The following ASTN2 variants were observed in gnomAD, a reference collection of about 807,000 sequenced individuals.
The protein encoded by ASTN2 is astrotactin-2.
ASTN2 carries 54 observed loss-of-function variants against 139.8 expected under a neutral mutation model. The ratio of observed to expected loss-of-function variants is 0.39; its 90% CI spans 0.31 to 0.48. ASTN2 has a LOEUF of 0.48. Among genes scored for constraint, ASTN2 ranks in the 20% least tolerant of loss-of-function variants. The pLI is 0.95. For synonymous variants in ASTN2, 756 were observed against 719.5 expected (o/e 1.05, Z -0.81); for missense variants, 1,565 against 1,725.1 (o/e 0.91, Z 1.64).
intron 13 of ASTN2, among the ~76,000 whole-genome samples, chr9:116,792,113 G>T (rs1291207068): frequency 6.6e-6 from 1 of 151,580 alleles, no homozygotes; most frequent in African/African-American, 2.4e-5. Flanking sequence ...CCATAAATAC[G>T]GGGAAAGATT....
chr9:116,596,648 A>G lies in ASTN2; in HGVS notation c.3355+21676T>C, dbSNP rs375855148. On this transcript the variant is annotated intron_variant, in intron 19 of 22. Coordinates refer to ENST00000313400, the MANE Select transcript of ASTN2 (RefSeq NM_001365068.1). ...CTGTCTTTTAAAGGGCAGGCAAATC[A>G]AAAGTAAATGAGCAAATATATAAAT... 7.2e-5 allele frequency among the ~76,000 whole-genome samples: 11 copies of G among 152,332 alleles called. No individual in the cohort carries two copies. The East Asian group carries it at 2.1e-3, about 29-fold the overall frequency.
chr9:116,742,940 T>A (rs987672608), intron 13 of ASTN2, among the ~76,000 whole-genome samples: 1 of 152,124 alleles, frequency 6.6e-6, no homozygotes, highest in African/African-American at 2.4e-5. Flanking sequence ...TCCAACACAT[T>A]GCTTCTCTCA....
At chr9:116,664,967 T>C (rs980359273) in intron 16 of ASTN2, among the ~76,000 whole-genome samples, 1 of 152,142 alleles carries the variant, frequency 6.6e-6, no homozygotes, top group Non-Finnish European at 1.5e-5. Context: ...CCCTCATCAA[T>C]GGCTTGGTGC....
chr9:117,369,518 C>T (rs984237463), intron 1 of ASTN2, among the ~76,000 whole-genome samples: 2 of 152,080 alleles, frequency 1.3e-5, no homozygotes, highest in African/African-American at 4.8e-5. Flanking sequence ...ACCCTGCCTG[C>T]CTGACCCCAC....
intron 19 of ASTN2, among the ~76,000 whole-genome samples, chr9:116,519,961 G>C (rs1420071496): frequency 6.6e-6 from 1 of 151,872 alleles, no homozygotes; most frequent in African/African-American, 2.4e-5. Flanking sequence ...ACCAGGAAAA[G>C]ATAGAATCTC....
At chr9:116,768,437 T>A (rs972358739) in intron 13 of ASTN2, among the ~76,000 whole-genome samples, 1 of 152,148 alleles carries the variant, frequency 6.6e-6, no homozygotes, top group Non-Finnish European at 1.5e-5. Flanking sequence ...TTTCTCTGCC[T>A]CCCTGACCCG....
intron 10 of ASTN2, among the ~76,000 whole-genome samples, chr9:116,964,265 G>GCGCGCACGCA (rs138836463): frequency 6.7e-6 from 1 of 149,810 alleles, no homozygotes; most frequent in Non-Finnish European, 1.5e-5. Flanking sequence ...GTGCGCGCGC[G>GCGCGCACGCA]CGCGTGTGTG....
At chr9:116,576,585 C>A (rs1853730523) in intron 19 of ASTN2, among the ~76,000 whole-genome samples, 1 of 152,104 alleles carries the variant, frequency 6.6e-6, no homozygotes, top group African/African-American at 2.4e-5. Context: ...GACAGGAATG[C>A]AGGAAGTGCT....
chr9:116,550,331 T>A lies in ASTN2; in HGVS notation c.3356-62831A>T, dbSNP rs183836533. Among the ~76,000 whole-genome samples, 3 of 152,320 alleles carry A rather than the reference T, an allele frequency of 2.0e-5. No homozygotes were observed. The East Asian group carries it at 5.8e-4, about 29-fold the overall frequency. On this transcript the variant is annotated intron_variant, in intron 19 of 22. Transcript: ENST00000313400. ...AGTATCTTCATCTGCAATATAAACC[T>A]GTCAATTTTACCCTGTATTATAGTT...
At chr9:116,938,770 CA>C (rs1024648158) in intron 10 of ASTN2, among the ~76,000 whole-genome samples, 41 of 152,260 alleles carry the variant, frequency 2.7e-4, no homozygotes, top group African/African-American at 9.9e-4. Context: ...TTTAAGTACA[CA>C]GGGGCATAAT....
At chr9:116,593,285 G>A (rs72762011) in intron 19 of ASTN2, among the ~76,000 whole-genome samples, 43,486 of 152,120 alleles carry the variant, frequency 0.29, 7,201 homozygotes, top group Admixed American at 0.43. Context: ...GGGCTTCTGA[G>A]GCACTGGGCG....
At chr9:116,978,522 C>CACACACACACACACAG (rs138804229) in intron 7 of ASTN2, among the ~76,000 whole-genome samples, 41 of 150,388 alleles carry the variant, frequency 2.7e-4, no homozygotes, top group Non-Finnish European at 5.5e-4. Flanking sequence ...CACACACACA[C>CACACACACACACACAG]AGAGAGATAA....
chr9:117,214,857 C>A, intron 2 of ASTN2, 115 bp from the exon 3 acceptor site: 2 of 1,192,666 alleles, frequency 1.7e-6, no homozygotes, highest in Non-Finnish European at 2.1e-6. Context: ...GCTCATAGAG[C>A]CTCAGGAACC....
intron 5 of ASTN2, among the ~76,000 whole-genome samples, chr9:117,040,225 T>C (rs1262197719): frequency 1.3e-5 from 2 of 152,214 alleles, no homozygotes; most frequent in Admixed American, 6.5e-5. Flanking sequence ...CTGAAACTCA[T>C]GGCAATTTTC....
intron 10 of ASTN2, among the ~76,000 whole-genome samples, chr9:116,888,498 G>A (rs1833675267): frequency 6.6e-6 from 1 of 151,882 alleles, no homozygotes; most frequent in African/African-American, 2.4e-5. Context: ...GTGATAGTAA[G>A]CCTTCTCCAG....
intron 10 of ASTN2, among the ~76,000 whole-genome samples, chr9:116,968,781 C>T (rs1248286385): frequency 2.6e-5 from 4 of 151,600 alleles, no homozygotes; most frequent in Non-Finnish European, 5.9e-5. Flanking sequence ...TGCCTGTAAT[C>T]TCAGCTACTG....
chr9:116,865,805 G>T (rs1346212469), intron 10 of ASTN2, among the ~76,000 whole-genome samples: 2 of 152,158 alleles, frequency 1.3e-5, no homozygotes, highest in African/African-American at 4.8e-5. Context: ...CCTTCTGCCT[G>T]GGATGCCCAT....
chr9:117,333,321 C>A, intron 1 of ASTN2, among the ~76,000 whole-genome samples: 1 of 150,914 alleles, frequency 6.6e-6, no homozygotes, highest in East Asian at 1.9e-4. Context: ...AATTGAGGGC[C>A]AGAGAGGAAA....
intron 1 of ASTN2, among the ~76,000 whole-genome samples, chr9:117,298,779 TGGATCCTAGTGCAGGGACATGTCAGA>T (rs1271957614): frequency 4.6e-4 from 70 of 151,246 alleles, no homozygotes; most frequent in African/African-American, 1.4e-3. Flanking sequence ...CTTCCCTTAT[TGGATCCTAGTGCAGGGACATGTCAGA>T]ATTATTTGTG....
Sources: gnomAD v4.1 joint callset for allele counts (sites outside exome capture counted in the v4.1 genomes callset) on GRCh38, gnomAD v4.1.1 for gene constraint, MANE v1.5 for transcripts, NCBI Gene and HGNC (gene_info 2026-07-23, HGNC 2026-07-21) for gene names.